Variants in TRPC4AP observed in about 807,000 individuals in gnomAD.
The protein encoded by TRPC4AP is short transient receptor potential channel 4-associated protein.
In TRPC4AP, 45 loss-of-function variants were observed where a neutral mutation model predicts 99.0. The observed-to-expected ratio is 0.45, with a 90% CI of 0.36 to 0.58. The LOEUF (loss-of-function observed/expected upper bound fraction) is 0.58, where lower values mean the gene tolerates loss of function less well. Ranked by LOEUF, TRPC4AP falls within the 20% of genes least tolerant of loss-of-function variation. The pLI is 0.00. For synonymous variants in TRPC4AP, 408 were observed against 385.8 expected, an observed-to-expected ratio of 1.06 and a Z score of -0.67; for missense variants, 879 against 985.3, an observed-to-expected ratio of 0.89 and a Z score of 1.44.
At chr20:35,017,918 G>T (rs991289800) in intron 9 of TRPC4AP, among the ~76,000 whole-genome samples, 1 of 152,166 alleles carries the variant, frequency 6.6e-6, no homozygotes, top group African/African-American at 2.4e-5. Context: ...GATGTAAAAT[G>T]ACACCTGTTC....
intron 1 of TRPC4AP, among the ~76,000 whole-genome samples, chr20:35,082,423 T>C (rs2084671805): frequency 6.6e-6 from 1 of 152,170 alleles, no homozygotes; most frequent in Admixed American, 6.5e-5. Context: ...ATCAGAAAGA[T>C]AGTTATAAAA....
chr20:35,005,365 C>A (rs967555997), intron 16 of TRPC4AP, among the ~76,000 whole-genome samples: 3 of 152,326 alleles, frequency 2.0e-5, no homozygotes, highest in East Asian at 3.9e-4. Context: ...GGTTCAGATG[C>A]CTGCTGCACC....
At position 35,047,689 on chromosome 20, in the gene TRPC4AP, G is replaced by A. The variant is rs546033613; in HGVS notation, c.657+2177C>T. On this transcript the variant is annotated intron_variant, in intron 6 of 18. Transcript: ENST00000252015. The stretch of plus-strand genomic sequence containing the variant: ...TACATATTGGAATGTATATAGAAAT[G>A]TCAAACAAAAACTTATTCAAAAAAT... Among the ~76,000 whole-genome samples the A allele has an allele frequency of 2.0e-5, 3 of 152,286 alleles. No homozygotes were observed. The East Asian group carries it at 5.8e-4, about 29-fold the overall frequency.
chr20:35,069,416 G>GT lies in TRPC4AP; in HGVS notation c.298-5dup, dbSNP rs750668578. 2.7e-4 allele frequency: 422 copies of GT among 1,574,732 alleles called. 3 individuals carry two copies. The African/African-American group carries it at 4.2e-3, about 16-fold the overall frequency. ...TGGAGAGAAGAGGAGAAATTTCCTA[G>GT]TTTTTTTAAAAAAAAGTACATACAT... is the stretch of plus-strand genomic sequence containing the variant. On this transcript the variant is annotated splice_polypyrimidine_tract_variant and splice_region_variant and intron_variant, in intron 2 of 18. Transcript: ENST00000252015.
At chr20:35,087,771 C>A (rs1270341232) in intron 1 of TRPC4AP, among the ~76,000 whole-genome samples, 2 of 152,186 alleles carry the variant, frequency 1.3e-5, no homozygotes, top group Admixed American at 6.5e-5. Flanking sequence ...ATCACCCCAG[C>A]ATATTTTATT....
chr20:35,018,623 AAAAGAAAG>A (rs1464510234), intron 9 of TRPC4AP, among the ~76,000 whole-genome samples: 2 of 146,950 alleles, frequency 1.4e-5, no homozygotes, highest in African/African-American at 5.4e-5. Context: ...AAAAAAAAAA[AAAAGAAAG>A]AAAGAAAATA....
chr20:35,055,133 A>G, intron 4 of TRPC4AP, 102 bp from the exon 5 acceptor site: 1 of 1,014,742 alleles, frequency 9.9e-7, no homozygotes, highest in South Asian at 1.6e-5. Flanking sequence ...ATCCCCTCCA[A>G]GATGATTATT....
At chr20:35,027,345 T>C (rs898322720) in intron 8 of TRPC4AP, among the ~76,000 whole-genome samples, 5 of 152,224 alleles carry the variant, frequency 3.3e-5, no homozygotes, top group African/African-American at 4.8e-5. Flanking sequence ...CACAGTGTAT[T>C]ACATAAACTG....
rs992820954 is a variant in TRPC4AP, at chr20:35,006,403, G to A, written c.1827+32C>T. The A allele has an allele frequency of 1.9e-6, 3 of 1,610,688 alleles. No homozygotes were observed. The South Asian group carries it at 3.3e-5, about 18-fold the overall frequency. On this transcript the variant is annotated intron_variant, in intron 15 of 18. Coordinates refer to ENST00000252015, the MANE Select transcript of TRPC4AP (RefSeq NM_015638.3). The stretch of plus-strand genomic sequence containing the variant: ...TCCAGGTGAACTTCTGGACAACCCA[G>A]CACACTCCACAGAGCCCTGGGTTAA...
chr20:35,006,341 A>G, intron 15 of TRPC4AP, 94 bp downstream of exon 15: 1 of 1,471,850 alleles, frequency 6.8e-7, no homozygotes. Context: ...GTCGTCTCTA[A>G]CGTAAAACCT....
chr20:35,054,844 A>C, intron 5 of TRPC4AP, 132 bp downstream of exon 5: 2 of 760,428 alleles, frequency 2.6e-6, no homozygotes, highest in Non-Finnish European at 4.2e-6. Context: ...TCAGGCACAC[A>C]TAAAATAAGC....
intron 7 of TRPC4AP, among the ~76,000 whole-genome samples, chr20:35,038,117 G>A (rs1177548335): frequency 6.7e-6 from 1 of 149,218 alleles, no homozygotes; most frequent in Non-Finnish European, 1.5e-5. Context: ...TTTCCTTTTG[G>A]GGTGATGAAA....
At chr20:35,089,917 T>C (rs992337728) in intron 1 of TRPC4AP, among the ~76,000 whole-genome samples, 7 of 150,996 alleles carry the variant, frequency 4.6e-5, no homozygotes, top group Non-Finnish European at 8.8e-5. Context: ...AGTATAAAAA[T>C]ATGGGTAATC....
chr20:35,044,631 G>C lies in TRPC4AP; in HGVS notation c.739C>G (p.Arg247Gly). 1 of 1,614,098 alleles carries C rather than the reference G, an allele frequency of 6.2e-7. No homozygotes were observed. The highest frequency in any genetic ancestry group is 8.5e-7 in the Non-Finnish European group (1 of 1,180,018). ...TCTGAAATGGTGACAGCCAGAATCC[G>C]GCAGAAATTAGCGAGCTGCTGCTGA... ...FDQQQLANFC[R>G]ILAVTISEMD... Residue 247 changes from arginine (R) to glycine (G), a missense_variant, in exon 7 of 19, where the codon CGG becomes GGG. By Grantham distance (125) the Arg-to-Gly change is moderately radical. Around this residue, in one of 3 missense-constraint regions of TRPC4AP, gnomAD observed 603 missense variants for 631.8 expected, o/e 0.95. Coordinates refer to ENST00000252015, the MANE Select transcript of TRPC4AP (RefSeq NM_015638.3).
intron 14 of TRPC4AP, 52 bp downstream of exon 14, chr20:35,007,498 G>A (rs1323396430): frequency 1.9e-6 from 3 of 1,580,256 alleles, no homozygotes; most frequent in African/African-American, 1.3e-5. Context: ...ACACAGCAAC[G>A]CGTGGGCTGG....
intron 8 of TRPC4AP, among the ~76,000 whole-genome samples, chr20:35,025,503 C>T (rs1222943896): frequency 2.6e-5 from 4 of 152,094 alleles, no homozygotes; most frequent in Admixed American, 1.3e-4. Flanking sequence ...ATTTCCCTGA[C>T]GGCTAATGAT....
intron 2 of TRPC4AP, among the ~76,000 whole-genome samples, chr20:35,075,766 G>GTGGCGT (rs1443250774): frequency 6.6e-6 from 1 of 152,134 alleles, no homozygotes; most frequent in East Asian, 1.9e-4. Context: ...GAGTATCTTT[G>GTGGCGT]TGGCGTTCTC....
At chr20:35,025,376 G>A (rs1033735782) in intron 8 of TRPC4AP, among the ~76,000 whole-genome samples, 16 of 152,008 alleles carry the variant, frequency 1.1e-4, no homozygotes, top group Non-Finnish European at 1.9e-4. Flanking sequence ...TTGTAGAGAT[G>A]AGGTCTTGCT....
chr20:35,092,090 A>G (rs1352161762), intron 1 of TRPC4AP, among the ~76,000 whole-genome samples: 1 of 152,240 alleles, frequency 6.6e-6, no homozygotes, highest in Non-Finnish European at 1.5e-5. Context: ...TTATAGACTA[A>G]GAAAGTAATG....
Sources: allele counts gnomAD v4.1 joint callset (sites outside exome capture counted in the v4.1 genomes callset), GRCh38; gene constraint gnomAD v4.1.1; regional missense constraint gnomAD v4.1.1; transcripts MANE v1.5; gene names NCBI Gene and HGNC (gene_info 2026-07-23, HGNC 2026-07-21).